GPRC5C: variants seen among roughly 807,000 people sequenced by gnomAD.
GPRC5C encodes G protein-coupled receptor family C group 5 member C.
Under a neutral mutation model 31.4 loss-of-function variants are expected in GPRC5C, and 22 were observed. The observed-to-expected ratio is 0.70, with a 90% confidence interval of 0.50 to 1.00. The LOEUF is 1.00. GPRC5C is among the 50% of genes least tolerant of loss of function. The probability of loss-of-function intolerance (pLI) is 0.00; values close to 1 mark genes in which losing one functional copy is unlikely to be tolerated. For synonymous variants in GPRC5C, 249 were observed against 257.5 expected (o/e 0.97, Z 0.32); for missense variants, 557 against 597.2 (o/e 0.93, Z 0.70).
At chr17:74,433,972 T>G (rs2055393947) in intron 1 of GPRC5C, among the ~76,000 whole-genome samples, 2 of 152,152 alleles carry the variant, frequency 1.3e-5, no homozygotes, top group African/African-American at 4.8e-5. Flanking sequence ...TCAGGGCTGC[T>G]TGGGCCTCTG....
chr17:74,432,501 G>A (rs2055369191), intron 1 of GPRC5C: 1 of 1,019,734 alleles, frequency 9.8e-7, no homozygotes, highest in Non-Finnish European at 1.2e-6. Flanking sequence ...CTGCGCTGGA[G>A]CGGGGCCGGC....
chr17:74,432,222 G>A (rs1207722039), intron 1 of GPRC5C, 81 bp downstream of exon 1: 10 of 1,551,024 alleles, frequency 6.4e-6, no homozygotes, highest in Non-Finnish European at 7.8e-6. Flanking sequence ...GCGGGCGCCC[G>A]ATTAGCGCCC....
At chr17:74,449,059 T>C, downstream of GPRC5C, 2 of 411,156 alleles carry the variant, frequency 4.9e-6, no homozygotes, top group South Asian at 4.0e-5. Context: ...GGAATGTTTC[T>C]CCCCAGCTAG....
Position 74,440,479 on chromosome 17 carries a change from T to C in GPRC5C, c.703T>C (p.Tyr235His), listed in dbSNP as rs1959734016. The C allele has an allele frequency of 1.9e-6, 3 of 1,614,020 alleles. No individual in the cohort carries two copies. The African/African-American group carries it at 4.0e-5, about 22-fold the overall frequency. The change falls in exon 2 of 4, where the codon TAC becomes CAC. Residue 235 changes from tyrosine to histidine, a missense_variant. Coordinates refer to ENST00000392627, the MANE Select transcript of GPRC5C (RefSeq NM_022036.4). The surrounding 1 kb of genome is among the most constrained non-coding windows in gnomAD (Gnocchi z 4.4). The stretch of plus-strand genomic sequence containing the variant: ...GGCCTGGCCCGCCCTGTGTGGCCGC[T>C]ACAAGCGCTGGCGTAAGCATGGGGT... ...LGAWPALCGRYKRWRKHGVFV... is the reference protein window; with the variant it reads ...LGAWPALCGRHKRWRKHGVFV...
At chr17:74,441,777 T>C (rs1457963360) in intron 2 of GPRC5C, among the ~76,000 whole-genome samples, 2 of 152,030 alleles carry the variant, frequency 1.3e-5, no homozygotes, top group Non-Finnish European at 2.9e-5. Context: ...TGAGCCGTGA[T>C]TGCACCACCA....
In GPRC5C at chr17:74,432,115, G is replaced by A. The variant is rs918824707; in HGVS notation, c.-59G>A. 1 of 1,613,430 alleles carries A rather than the reference G, an allele frequency of 6.2e-7. No individual in the cohort carries two copies. Among genetic ancestry groups the A allele is most frequent in the African/African-American group, 1.3e-5 (1 of 75,052 alleles). ...AAACTCCCATCTCCCTCACCAGCCG[G>A]AAAGTACGAGTCGGCTCAGCCTGGA... On this transcript the variant is annotated 5_prime_UTR_variant, in exon 1 of 4. Transcript: ENST00000392627.
downstream of GPRC5C, chr17:74,449,705 G>A (rs563884989): frequency 5.5e-6 from 1 of 182,880 alleles, no homozygotes; most frequent in East Asian, 1.6e-4. Context: ...CTGTGGTTCA[G>A]ATTGCCTTCT....
At position 74,440,057 on chromosome 17, in the gene GPRC5C, T is replaced by C; in HGVS notation, c.281T>C (p.Leu94Pro). The C allele has an allele frequency of 1.2e-6, 2 of 1,612,850 alleles. No homozygotes were observed. Among genetic ancestry groups the C allele is most frequent in the East Asian group, 2.2e-5 (1 of 44,888 alleles). Residue 94 changes from leucine to proline, a missense_variant, in exon 2 of 4, where the codon CTT becomes CCT. Coordinates refer to ENST00000392627, the MANE Select transcript of GPRC5C (RefSeq NM_022036.4). The surrounding 1 kb of genome is among the most constrained non-coding windows in gnomAD (Gnocchi z 4.4). ...RSLLGTQVFF[L>P]LGTLGLFCLV... ...CTGCTGGGGACCCAGGTATTCTTCC[T>C]TCTGGGGACCCTGGGCCTCTTCTGC... is the stretch of plus-strand genomic sequence containing the variant.
At chr17:74,449,646 C>T, downstream of GPRC5C, 1 of 251,488 alleles carries the variant, frequency 4.0e-6, no homozygotes, top group East Asian at 1.2e-4. Flanking sequence ...TCCAACTCCC[C>T]TCTTGACACG....
intron 3 of GPRC5C, chr17:74,445,989 C>CG (rs1420616552): frequency 5.5e-5 from 1 of 18,268 alleles, no homozygotes; most frequent in Non-Finnish European, 2.4e-4. Context: ...TGAGACCCCC[C>CG]CCCCCCGCCC....
intron 1 of GPRC5C, among the ~76,000 whole-genome samples, chr17:74,438,206 C>CATATATATAT (rs71157066): frequency 3.8e-4 from 17 of 45,272 alleles, no homozygotes; most frequent in East Asian, 7.0e-4. Flanking sequence ...TCTGCTAATT[C>CATATATATAT]ATATATATAT....
At chr17:74,448,784 G>A, downstream of GPRC5C, 2 of 856,194 alleles carry the variant, frequency 2.3e-6, no homozygotes, top group Non-Finnish European at 3.4e-6. Context: ...TTTGGGGTGA[G>A]ACAGGGCCTC....
chr17:74,436,178 C>T (rs1339712820), intron 1 of GPRC5C, among the ~76,000 whole-genome samples: 1 of 152,208 alleles, frequency 6.6e-6, no homozygotes, highest in African/African-American at 2.4e-5. Context: ...CTGCAGCCTC[C>T]CTTTGCAGAC....
Position 74,440,273 on chromosome 17 carries a change from T to G in GPRC5C, c.497T>G (p.Val166Gly). The G allele has an allele frequency of 6.2e-7, 1 of 1,614,084 alleles. No individual in the cohort carries two copies. The highest frequency in any genetic ancestry group is 1.3e-5 in the African/African-American group (1 of 75,032). The change falls in exon 2 of 4, where the codon GTA (valine) becomes GGA (glycine). Residue 166 changes from valine (V) to glycine (G), a missense_variant. By Grantham distance (109) the Val-to-Gly change is moderately radical (BLOSUM62 -3). Coordinates refer to ENST00000392627, the MANE Select transcript of GPRC5C (RefSeq NM_022036.4). This position sits in a 1 kb window ranked among gnomAD's most constrained non-coding sequence, Gnocchi z 4.4. Reference protein sequence around the residue: ...IFTVALLLTLVEVIINTEWLI... With the variant: ...IFTVALLLTLGEVIINTEWLI... ...ACTGTGGCTCTGCTGCTGACCCTGG[T>G]AGAGGTCATCATCAATACAGAGTGG... is the stretch of plus-strand genomic sequence containing the variant.
chr17:74,450,666 T>C (rs1242529595), downstream of GPRC5C: 1 of 152,220 alleles, frequency 6.6e-6, no homozygotes, highest in Non-Finnish European at 1.5e-5. Flanking sequence ...CCTCTTGTAT[T>C]TTGAGCCCTC....
At chr17:74,437,004 G>A (rs111989965) in intron 1 of GPRC5C, among the ~76,000 whole-genome samples, 7 of 152,228 alleles carry the variant, frequency 4.6e-5, no homozygotes, top group South Asian at 4.2e-4. Flanking sequence ...GTGCAGTGGC[G>A]CAATCTCGGC....
rs1426981829 is a variant in GPRC5C at position 74,432,157 on chromosome 17, G to T, written c.-33+16G>T. ...CAGCCTGGAGGTGAGTCGGGGCGGG[G>T]AGGGCCGGGCAGGCTTTGTTCCTGT... On this transcript the variant is annotated intron_variant, in intron 1 of 3. Transcript: ENST00000392627. 9 of 1,607,860 alleles carry T rather than the reference G, an allele frequency of 5.6e-6. No individual in the cohort carries two copies. The highest frequency in any genetic ancestry group is 7.6e-6 in the Non-Finnish European group (9 of 1,177,492).
chr17:74,449,256 C>A, downstream of GPRC5C: 1 of 742,180 alleles, frequency 1.3e-6, no homozygotes. Context: ...GACTGAAACA[C>A]TATTTTTAAG....
chr17:74,436,415 C>T (rs532026084), intron 1 of GPRC5C, among the ~76,000 whole-genome samples: 3 of 152,200 alleles, frequency 2.0e-5, no homozygotes, highest in South Asian at 2.1e-4. Flanking sequence ...TAAAACTCTG[C>T]GGAACAGTCT....
Sources: gnomAD v4.1 joint callset for allele counts (sites outside exome capture counted in the v4.1 genomes callset) on GRCh38, gnomAD v4.1.1 for gene constraint, Gnocchi (gnomAD v3.1) non-coding constraint, MANE v1.5 for transcripts, NCBI Gene and HGNC (gene_info 2026-07-23, HGNC 2026-07-21) for gene names.